Variants in MBD5 observed in about 807,000 individuals in gnomAD.
MBD5 encodes the protein methyl-CpG-binding domain protein 5.
A neutral mutation model predicts 117.3 loss-of-function variants in MBD5; 13 were observed. The observed-to-expected ratio is 0.11, with a 90% CI of 0.07 to 0.18. The LOEUF is 0.18. Among genes scored for constraint, MBD5 ranks in the 10% least tolerant of loss-of-function variants. The probability of loss-of-function intolerance (pLI) is 1.00; values close to 1 mark genes in which losing one functional copy is unlikely to be tolerated. For missense variants in MBD5, 1,879 were observed against 2,093.8 expected, an observed-to-expected ratio of 0.90 and a Z score of 2.00; for synonymous variants, 727 against 766.4, an observed-to-expected ratio of 0.95 and a Z score of 0.85.
intron 4 of MBD5, among the ~76,000 whole-genome samples, chr2:148,366,024 A>C (rs1434025143): frequency 6.6e-6 from 1 of 152,188 alleles, no homozygotes; most frequent in Non-Finnish European, 1.5e-5. Flanking sequence ...ACACAACAGA[A>C]ATACTAAATC....
intron 3 of MBD5, among the ~76,000 whole-genome samples, chr2:148,244,745 G>C (rs1458071639): frequency 1.3e-5 from 2 of 152,128 alleles, no homozygotes; most frequent in Admixed American, 6.6e-5. Flanking sequence ...ATTTTTAATG[G>C]ACCTGGATTT....
chr2:148,318,052 A>G (rs1352236439), intron 3 of MBD5, among the ~76,000 whole-genome samples: 1 of 152,218 alleles, frequency 6.6e-6, no homozygotes, highest in Non-Finnish European at 1.5e-5. Flanking sequence ...TAAAGGTTGT[A>G]CTAATTTACA....
At chr2:148,168,978 AATATAT>A (rs200077401) in intron 1 of MBD5, among the ~76,000 whole-genome samples, 1 of 147,416 alleles carries the variant, frequency 6.8e-6, no homozygotes, top group Non-Finnish European at 1.5e-5. Flanking sequence ...ATATACGTAT[AATATAT>A]ATATATATAT....
intron 4 of MBD5, among the ~76,000 whole-genome samples, chr2:148,449,701 A>T (rs780121501): frequency 8.6e-5 from 13 of 151,814 alleles, no homozygotes; most frequent in Non-Finnish European, 1.5e-4. Context: ...ATTCTTTCCG[A>T]CTCTCCATAT....
chr2:148,129,217 G>A (rs1356033274), intron 1 of MBD5, among the ~76,000 whole-genome samples: 1 of 152,044 alleles, frequency 6.6e-6, no homozygotes, highest in Admixed American at 6.6e-5. Flanking sequence ...GACCCAGACC[G>A]GGTGCTGTGG....
chr2:148,461,677 C>T lies in MBD5; in HGVS notation c.114-905C>T, dbSNP rs536373042. Among the ~76,000 whole-genome samples, 3 of 152,288 alleles carry T rather than the reference C, an allele frequency of 2.0e-5. No homozygotes were observed. The East Asian group carries it at 5.8e-4, about 29-fold the overall frequency. On this transcript the variant is annotated intron_variant, in intron 5 of 13. Transcript: ENST00000642680. ...TCAAAGCATAATATGTATTTAAGTT[C>T]AAACATTGACATGTTAATGTAAAGT...
intron 1 of MBD5, among the ~76,000 whole-genome samples, chr2:148,095,365 A>G (rs1328061299): frequency 6.6e-6 from 1 of 152,152 alleles, no homozygotes; most frequent in Non-Finnish European, 1.5e-5. Flanking sequence ...TATAGGAAAT[A>G]AGAAATATAA....
At chr2:148,404,563 T>G (rs947362938) in intron 4 of MBD5, among the ~76,000 whole-genome samples, 1 of 152,200 alleles carries the variant, frequency 6.6e-6, no homozygotes, top group African/African-American at 2.4e-5. Flanking sequence ...TTTCCTCTAC[T>G]TAGGATTTCT....
chr2:148,280,067 T>C (rs1038381359), intron 3 of MBD5, among the ~76,000 whole-genome samples: 1 of 151,574 alleles, frequency 6.6e-6, no homozygotes, highest in Non-Finnish European at 1.5e-5. Flanking sequence ...TGCTTTTTTC[T>C]TTTTTCTCGT....
chr2:148,269,456 T>A (rs1700932750), intron 3 of MBD5, among the ~76,000 whole-genome samples: 1 of 151,724 alleles, frequency 6.6e-6, no homozygotes, highest in South Asian at 2.1e-4. Context: ...TTCTAGAAAA[T>A]TTTTATTTTA....
intron 3 of MBD5, among the ~76,000 whole-genome samples, chr2:148,239,686 T>TACACACACACACACACACAC (rs34980624): frequency 0.079 from 11,131 of 141,270 alleles, 533 homozygotes; most frequent in East Asian, 0.13. Context: ...TTTATTTACT[T>TACACACACACACACACACAC]ACACACACAC....
At chr2:148,508,982 C>G (rs1463375753) in intron 12 of MBD5, among the ~76,000 whole-genome samples, 1 of 152,108 alleles carries the variant, frequency 6.6e-6, no homozygotes, top group East Asian at 1.9e-4. Flanking sequence ...GTAAACTGAA[C>G]TAAAGTTCAA....
intron 1 of MBD5, among the ~76,000 whole-genome samples, chr2:148,166,044 T>C (rs1698118836): frequency 1.3e-5 from 2 of 152,204 alleles, no homozygotes; most frequent in African/African-American, 4.8e-5. Flanking sequence ...TCTAAAATTA[T>C]ATTCCATTTA....
intron 4 of MBD5, among the ~76,000 whole-genome samples, chr2:148,375,623 T>C (rs1175711313): frequency 6.6e-6 from 1 of 152,200 alleles, no homozygotes; most frequent in Non-Finnish European, 1.5e-5. Flanking sequence ...TTTTCTGATT[T>C]CTGCCTTAAG....
intron 2 of MBD5, among the ~76,000 whole-genome samples, chr2:148,206,255 C>A (rs1699280080): frequency 6.6e-6 from 1 of 151,972 alleles, no homozygotes. Flanking sequence ...CTGTTAGATG[C>A]CCACTGTCAC....
chr2:148,330,115 A>ACACACACACACACACACACACACACT (rs148068244), intron 3 of MBD5, among the ~76,000 whole-genome samples: 94 of 127,492 alleles, frequency 7.4e-4, no homozygotes, highest in African/African-American at 1.8e-3. Context: ...ACACACACAC[A>ACACACACACACACACACACACACACT]CACTCTACCT....
rs1553516216 is a variant in MBD5, at chr2:148,446,602, C to CTATGTG, written c.-556-11600_-556-11599insATGTGT. On this transcript the variant is annotated intron_variant, in intron 4 of 13. Coordinates refer to ENST00000642680, the MANE Select transcript of MBD5 (RefSeq NM_001378120.1). ...TTAATTTACATACCAGATTATTTAT[C>CTATGTG]TGTGTGTGTGTGTGTGTGTGTGTGT... 1.5e-3 allele frequency among the ~76,000 whole-genome samples: 224 copies of CTATGTG among 148,894 alleles called. 1 individual carries two copies. Among genetic ancestry groups the CTATGTG allele is most frequent in the Admixed American group, 7.3e-3 (109 of 14,842 alleles).
chr2:148,403,270 C>A (rs370654606), intron 4 of MBD5, among the ~76,000 whole-genome samples: 53 of 152,130 alleles, frequency 3.5e-4, no homozygotes, highest in Middle Eastern at 6.8e-3. Flanking sequence ...ACCTCCACCC[C>A]CCAGGTTCAA....
chr2:148,246,593 AC>A (rs1176242267), intron 3 of MBD5, among the ~76,000 whole-genome samples: 1 of 151,626 alleles, frequency 6.6e-6, no homozygotes, highest in African/African-American at 2.4e-5. Context: ...AGATGGTGAA[AC>A]CCCACGTCTA....
Sources: gnomAD v4.1 joint callset for allele counts (sites outside exome capture counted in the v4.1 genomes callset) on GRCh38, gnomAD v4.1.1 for gene constraint, MANE v1.5 for transcripts, NCBI Gene and HGNC (gene_info 2026-07-23, HGNC 2026-07-21) for gene names.